Variants in THSD7B observed in about 807,000 individuals in gnomAD.
THSD7B encodes the protein thrombospondin type 1 domain containing 7B.
A neutral mutation model predicts 213.6 loss-of-function variants in THSD7B; 138 were observed. That is an observed-to-expected ratio of 0.65 (90% confidence interval 0.56 to 0.74). The LOEUF is 0.74. Among genes scored for constraint, THSD7B ranks in the 30% least tolerant of loss-of-function variants. THSD7B has a pLI of 0.00. For missense variants in THSD7B, 1,931 were observed against 1,991.5 expected, an observed-to-expected ratio of 0.97 and a Z score of 0.58; for synonymous variants, 742 against 687.0, an observed-to-expected ratio of 1.08 and a Z score of -1.25.
chr2:137,494,341 A>G (rs1470647355), intron 15 of THSD7B, among the ~76,000 whole-genome samples: 1 of 152,116 alleles, frequency 6.6e-6, no homozygotes, highest in Non-Finnish European at 1.5e-5. Context: ...ATATCAACTA[A>G]AAAAAATTCC....
intron 10 of THSD7B, among the ~76,000 whole-genome samples, chr2:137,247,645 T>C (rs1056072792): frequency 6.6e-6 from 1 of 152,170 alleles, no homozygotes; most frequent in African/African-American, 2.4e-5. Flanking sequence ...GAGAGCAGTG[T>C]CATGGTAACA....
intron 14 of THSD7B, among the ~76,000 whole-genome samples, chr2:137,443,627 G>T (rs1021434769): frequency 1.3e-5 from 2 of 151,738 alleles, no homozygotes; most frequent in Admixed American, 6.6e-5. Context: ...TTTTCTACTT[G>T]ATAGTGAACT....
At chr2:137,528,075 AT>A (rs1166199616) in intron 15 of THSD7B, among the ~76,000 whole-genome samples, 1 of 152,018 alleles carries the variant, frequency 6.6e-6, no homozygotes, top group African/African-American at 2.4e-5. Flanking sequence ...ACTTGATTGG[AT>A]TCTTGTATTT....
chr2:137,538,519 C>G, intron 15 of THSD7B: 1 of 516,002 alleles, frequency 1.9e-6, no homozygotes, highest in South Asian at 1.4e-5. Context: ...CTGTTTTGAT[C>G]TTTATTGTTT....
At chr2:137,307,796 G>C (rs1468885954) in intron 12 of THSD7B, among the ~76,000 whole-genome samples, 1 of 152,100 alleles carries the variant, frequency 6.6e-6, no homozygotes, top group African/African-American at 2.4e-5. Context: ...AGATTAGCAT[G>C]TATTTCAGGA....
chr2:137,452,635 T>C (rs1307849680), intron 15 of THSD7B, among the ~76,000 whole-genome samples: 1 of 152,188 alleles, frequency 6.6e-6, no homozygotes, highest in Non-Finnish European at 1.5e-5. Flanking sequence ...CTCATTTTAA[T>C]ATGCTAATTT....
Position 137,618,512 on chromosome 2 carries a change from T to C in THSD7B, c.3681+5T>C, listed in dbSNP as rs373416939. ...AGCATGGACCAATGTGAGCAGGTAC[T>C]GTGTTTATATTCATATCTCACATCC... On this transcript the variant is annotated splice_donor_5th_base_variant and intron_variant, in intron 19 of 27. Coordinates refer to ENST00000409968, the MANE Select transcript of THSD7B (RefSeq NM_001316349.2). 1.9e-6 allele frequency: 3 copies of C among 1,612,696 alleles called. No homozygotes were observed. The African/African-American group carries it at 4.0e-5, about 21-fold the overall frequency.
chr2:137,404,568 C>CTA (rs70978216), intron 12 of THSD7B, among the ~76,000 whole-genome samples: 4 of 144,094 alleles, frequency 2.8e-5, no homozygotes, highest in East Asian at 4.0e-4. Flanking sequence ...TATACACACA[C>CTA]TATATATATA....
At chr2:137,550,191 C>G (rs1680818847) in intron 15 of THSD7B, among the ~76,000 whole-genome samples, 1 of 151,914 alleles carries the variant, frequency 6.6e-6, no homozygotes, top group Non-Finnish European at 1.5e-5. Context: ...TCAACTTACC[C>G]CAAGTGCCTA....
chr2:137,340,657 T>G (rs572192298), intron 12 of THSD7B, among the ~76,000 whole-genome samples: 1 of 151,850 alleles, frequency 6.6e-6, no homozygotes. Context: ...AGATTCCATG[T>G]GTAGGTGAGA....
intron 7 of THSD7B, among the ~76,000 whole-genome samples, chr2:137,218,514 TGGGGAAGATAG>T (rs1362362970): frequency 6.2e-5 from 9 of 144,610 alleles, no homozygotes; most frequent in Non-Finnish European, 1.4e-4. Context: ...TAGGTGAGTT[TGGGGAAGATAG>T]ACAAAGTACG....
Position 137,667,865 on chromosome 2 carries a change from A to G in THSD7B, c.4739+4A>G. ...TATTTACTTCCTACCTTGTTTGGTAAGTACTAATTAGTAAAAAGTTTATGT... is the reference window on the plus strand; with the variant it reads ...TATTTACTTCCTACCTTGTTTGGTAGGTACTAATTAGTAAAAAGTTTATGT... On this transcript the variant is annotated splice_donor_region_variant and intron_variant, in intron 27 of 27. Coordinates refer to ENST00000409968, the MANE Select transcript of THSD7B (RefSeq NM_001316349.2). 5 of 1,565,172 alleles carry G rather than the reference A, an allele frequency of 3.2e-6. No individual in the cohort carries two copies. The highest frequency in any genetic ancestry group is 4.3e-6 in the Non-Finnish European group (5 of 1,152,448).
intron 12 of THSD7B, among the ~76,000 whole-genome samples, chr2:137,335,622 G>A (rs1365283776): frequency 6.6e-6 from 1 of 152,194 alleles, no homozygotes; most frequent in East Asian, 1.9e-4. Flanking sequence ...GGCATGCATT[G>A]CAGTAGTTAG....
intron 15 of THSD7B, among the ~76,000 whole-genome samples, chr2:137,459,748 G>A (rs1431764856): frequency 6.6e-6 from 1 of 151,964 alleles, no homozygotes; most frequent in Non-Finnish European, 1.5e-5. Flanking sequence ...GGAGTTTATT[G>A]ATCATAACCG....
At chr2:137,170,255 A>T (rs568579389) in intron 6 of THSD7B, among the ~76,000 whole-genome samples, 11 of 152,300 alleles carry the variant, frequency 7.2e-5, no homozygotes, top group African/African-American at 2.6e-4. Flanking sequence ...ACTGATGTGT[A>T]AACCTCAGTG....
intron 3 of THSD7B, among the ~76,000 whole-genome samples, chr2:137,072,565 T>A (rs1221393915): frequency 6.6e-6 from 1 of 152,196 alleles, no homozygotes; most frequent in African/African-American, 2.4e-5. Flanking sequence ...ACAATTTGAC[T>A]TCCTCTTTTC....
chr2:136,984,777 G>T (rs925139443), intron 2 of THSD7B, among the ~76,000 whole-genome samples: 1 of 152,168 alleles, frequency 6.6e-6, no homozygotes, highest in Non-Finnish European at 1.5e-5. Context: ...GGAAAAGTTT[G>T]AAATTGCTTA....
chr2:137,160,103 C>A (rs1679986372), intron 5 of THSD7B, 110 bp from the exon 6 acceptor site: 4 of 1,242,196 alleles, frequency 3.2e-6, no homozygotes, highest in Non-Finnish European at 1.1e-6. Context: ...TGCATATGTT[C>A]TTTTTAACTA....
chr2:137,022,246 G>GT (rs1468214050), intron 2 of THSD7B, among the ~76,000 whole-genome samples: 16 of 152,262 alleles, frequency 1.1e-4, no homozygotes, highest in African/African-American at 3.8e-4. Context: ...TGCATGTTTA[G>GT]TTTTGTAAGA....
Sources: allele counts gnomAD v4.1 joint callset (sites outside exome capture counted in the v4.1 genomes callset), GRCh38; gene constraint gnomAD v4.1.1; transcripts MANE v1.5; gene names NCBI Gene and HGNC (gene_info 2026-07-23, HGNC 2026-07-21).